SMG1: variants seen among roughly 807,000 people sequenced by gnomAD.
SMG1 encodes the protein SMG1 nonsense mediated mRNA decay associated PI3K related kinase, also known as serine/threonine-protein kinase SMG1.
Under a neutral mutation model 419.9 loss-of-function variants are expected in SMG1, and 22 were observed. That is an observed-to-expected ratio of 0.05 (90% confidence interval 0.04 to 0.07). The LOEUF (loss-of-function observed/expected upper bound fraction) is 0.07. Ranked by LOEUF, SMG1 falls within the 10% of genes least tolerant of loss-of-function variation. The pLI is 1.00. For missense variants in SMG1, 3,185 were observed against 4,342.0 expected (o/e 0.73, Z 7.49); for synonymous variants, 1,538 against 1,553.5 (o/e 0.99, Z 0.23).
intron 33 of SMG1, among the ~76,000 whole-genome samples, chr16:18,850,779 T>C (rs1015180921): frequency 2.0e-5 from 3 of 152,148 alleles, no homozygotes; most frequent in African/African-American, 7.2e-5. Flanking sequence ...TGTGACAAAG[T>C]CTCACTCTGT....
chr16:18,815,116 C>T, intron 60 of SMG1, 59 bp downstream of exon 60: 1 of 1,063,734 alleles, frequency 9.4e-7, no homozygotes, highest in South Asian at 1.4e-5. Flanking sequence ...TATAATTAAA[C>T]ATCTTAGCAT....
chr16:18,859,148 G>A lies in SMG1; in HGVS notation c.3987C>T (p.Arg1329=), dbSNP rs2035077455. 1 of 1,535,452 alleles carries A rather than the reference G, an allele frequency of 6.5e-7. No homozygotes were observed. Among genetic ancestry groups the A allele is most frequent in the African/African-American group, 1.4e-5 (1 of 73,128 alleles). The stretch of plus-strand genomic sequence containing the variant: ...AAAGTCTCAGAGGTCCAATAGCGAT[G>A]CGGGATGTTTGCTTCAAGTACTTTA... ...NVVKYLKQTS[R]IAIGPLRLST... Residue 1329 remains arginine (R), a synonymous_variant, in exon 28 of 63, where the codon CGC becomes CGT. Transcript: ENST00000446231.
At chr16:18,811,023 T>C (rs1173130006) in intron 62 of SMG1, among the ~76,000 whole-genome samples, 2 of 152,210 alleles carry the variant, frequency 1.3e-5, no homozygotes, top group East Asian at 3.8e-4. Context: ...GTAAGACTAA[T>C]GAAAAAATTT....
intron 3 of SMG1, 58 bp from the exon 4 acceptor site, chr16:18,892,412 A>T (rs1413671978): frequency 1.5e-6 from 2 of 1,329,846 alleles, no homozygotes; most frequent in Admixed American, 2.5e-5. Flanking sequence ...AGATATTTTT[A>T]AATTTTTCAA....
chr16:18,839,419 C>G (rs753932668), intron 42 of SMG1, among the ~76,000 whole-genome samples: 6 of 152,124 alleles, frequency 3.9e-5, no homozygotes, highest in Admixed American at 6.5e-5. Flanking sequence ...GTTTAGCTCC[C>G]ACTTATAAGT....
At chr16:18,901,178 G>C (rs1025434508) in intron 1 of SMG1, among the ~76,000 whole-genome samples, 20 of 152,080 alleles carry the variant, frequency 1.3e-4, no homozygotes, top group African/African-American at 4.6e-4. Flanking sequence ...AACTACCTCA[G>C]TATTAAGTGT....
intron 56 of SMG1, among the ~76,000 whole-genome samples, chr16:18,818,989 T>C (rs2141135448): frequency 6.6e-6 from 1 of 152,212 alleles, no homozygotes; most frequent in Middle Eastern, 3.4e-3. Flanking sequence ...GCTAATTTTT[T>C]TGTATTTTTA....
chr16:18,853,818 G>A lies in SMG1; in HGVS notation c.4533C>T (p.Phe1511=). The A allele has an allele frequency of 6.2e-7, 1 of 1,613,464 alleles. No homozygotes were observed. Among genetic ancestry groups the A allele is most frequent in the Non-Finnish European group, 8.5e-7 (1 of 1,179,648 alleles). ...MEMLSSCAIS[F]CKSVKAEYAV... is the part of the protein sequence containing the mutation. Reference sequence around the variant, plus strand: ...CATATTCAGCTTTCACAGACTTGCAGAAAGATATGGCACAAGAACTCAACA... The same window carrying A: ...CATATTCAGCTTTCACAGACTTGCAAAAAGATATGGCACAAGAACTCAACA... Residue 1511 remains phenylalanine (F), a synonymous_variant, in exon 31 of 63, where the codon TTC becomes TTT. Coordinates refer to ENST00000446231, the MANE Select transcript of SMG1 (RefSeq NM_015092.5).
intron 1 of SMG1, among the ~76,000 whole-genome samples, chr16:18,907,633 AG>A (rs1157636472): frequency 6.6e-6 from 1 of 152,074 alleles, no homozygotes; most frequent in Non-Finnish European, 1.5e-5. Context: ...GCGGATCATG[AG>A]GTCAGGAGTT....
intron 25 of SMG1, among the ~76,000 whole-genome samples, chr16:18,863,053 T>C (rs756576320): frequency 2.0e-5 from 3 of 152,240 alleles, no homozygotes; most frequent in South Asian, 2.1e-4. Context: ...AGGTTGGAAT[T>C]TGTGTCTGTT....
intron 3 of SMG1, among the ~76,000 whole-genome samples, chr16:18,895,719 C>G (rs1160746321): frequency 6.6e-6 from 1 of 151,920 alleles, no homozygotes; most frequent in Non-Finnish European, 1.5e-5. Flanking sequence ...AAAGTACCCC[C>G]TCTCTATATA....
In SMG1 at chr16:18,809,152, A is replaced by G. The variant is rs1209617779; in HGVS notation, c.*417T>C. ...TTGGCTGTGATTTCTTCGCGACCCC[A>G]GTTTTCTCTGTTTCTGAGTGGGGTT... On this transcript the variant is annotated 3_prime_UTR_variant, in exon 63 of 63. Coordinates refer to ENST00000446231, the MANE Select transcript of SMG1 (RefSeq NM_015092.5). The G allele has an allele frequency of 6.1e-6, 1 of 163,484 alleles. No homozygotes were observed. Among genetic ancestry groups the G allele is most frequent in the Admixed American group, 6.1e-5 (1 of 16,454 alleles). The allele number at this position is 163,484 out of a possible 1,614,324, so 10.1% of individuals were successfully genotyped here.
At chr16:18,892,455 T>G in intron 3 of SMG1, 101 bp from the exon 4 acceptor site, 1 of 957,772 alleles carries the variant, frequency 1.0e-6, no homozygotes, top group Non-Finnish European at 1.5e-6. Flanking sequence ...ACTAAATTAT[T>G]ATGGTGGCTC....
At chr16:18,831,568 A>T (rs893403685) in intron 51 of SMG1, among the ~76,000 whole-genome samples, 5 of 151,958 alleles carry the variant, frequency 3.3e-5, no homozygotes, top group African/African-American at 1.2e-4. Context: ...CTGTTCTATA[A>T]ATAATCTAAT....
At position 18,809,381 on chromosome 16, in the gene SMG1, G is replaced by C; in HGVS notation, c.*188C>G. ...CCTGGGGTTGCAGGCCATGGTGTTG[G>C]GCGTATCCCTGAGTGCAGCTGTCCT... On this transcript the variant is annotated 3_prime_UTR_variant, in exon 63 of 63. Coordinates refer to ENST00000446231, the MANE Select transcript of SMG1 (RefSeq NM_015092.5). 1.7e-6 allele frequency: 1 copy of C among 586,696 alleles called. No individual in the cohort carries two copies. Among genetic ancestry groups the C allele is most frequent in the Non-Finnish European group, 3.1e-6 (1 of 317,582 alleles). The allele number at this position is 586,696 out of a possible 1,614,324, so 36.3% of individuals were successfully genotyped here. A position where few individuals can be genotyped will look rare whatever the true frequency, so the allele number is the denominator to read the frequency against.
intron 3 of SMG1, among the ~76,000 whole-genome samples, chr16:18,892,559 A>C (rs2036930951): frequency 6.6e-6 from 1 of 152,172 alleles, no homozygotes. Context: ...CCCTGTCTCC[A>C]CAGACATACA....
At chr16:18,915,749 T>C (rs1239349463) in intron 1 of SMG1, among the ~76,000 whole-genome samples, 4 of 152,048 alleles carry the variant, frequency 2.6e-5, no homozygotes, top group South Asian at 2.1e-4. Flanking sequence ...CACAGGTGTA[T>C]AGATTTGTCA....
chr16:18,853,500 G>A (rs2034715366), intron 31 of SMG1, 83 bp downstream of exon 31: 1 of 1,159,894 alleles, frequency 8.6e-7, no homozygotes, highest in African/African-American at 1.6e-5. Context: ...GAAAATTATA[G>A]CCAGCATAAC....
Position 18,876,111 on chromosome 16 carries a change from A to C in SMG1, c.1890+13T>G. On this transcript the variant is annotated intron_variant, in intron 13 of 62. Coordinates refer to ENST00000446231, the MANE Select transcript of SMG1 (RefSeq NM_015092.5). ...CTGTGGATAAAACAAAGTCATTACA[A>C]TTAAAGACTCACCCCTATTAGTGAG... 6.2e-7 allele frequency: 1 copy of C among 1,611,290 alleles called. No individual in the cohort carries two copies. Among genetic ancestry groups the C allele is most frequent in the Non-Finnish European group, 8.5e-7 (1 of 1,179,246 alleles).
Sources: allele counts gnomAD v4.1 joint callset (sites outside exome capture counted in the v4.1 genomes callset), GRCh38; gene constraint gnomAD v4.1.1; transcripts MANE v1.5; gene names NCBI Gene and HGNC (gene_info 2026-07-23, HGNC 2026-07-21).